The following DIAPH2 variants were observed in gnomAD, a reference collection of about 807,000 sequenced individuals.
The protein encoded by DIAPH2 is diaphanous related formin 2, also known as protein diaphanous homolog 2.
Under a neutral mutation model 92.7 loss-of-function variants are expected in DIAPH2, and 35 were observed. The ratio of observed to expected loss-of-function variants is 0.38; its 90% CI spans 0.29 to 0.50. DIAPH2 has a LOEUF of 0.50. DIAPH2 is among the 20% of genes least tolerant of loss of function. DIAPH2 has a pLI of 0.94. For synonymous variants in DIAPH2, 301 were observed against 280.4 expected, an observed-to-expected ratio of 1.07 and a Z score of -0.73; for missense variants, 701 against 819.5, an observed-to-expected ratio of 0.86 and a Z score of 1.77.
At chrX:96,975,407 T>G (rs938580017) in intron 17 of DIAPH2, among the ~76,000 whole-genome samples, 3 of 111,951 alleles carry the variant, frequency 2.7e-5, no homozygotes, top group Non-Finnish European at 3.8e-5. Flanking sequence ...TAATGAGATG[T>G]CAGTCTCAGA....
intron 10 of DIAPH2, among the ~76,000 whole-genome samples, chrX:96,933,206 G>C (rs1411968990): frequency 9.0e-6 from 1 of 110,707 alleles, no homozygotes; most frequent in Non-Finnish European, 1.9e-5. Context: ...TTGAGGATAG[G>C]GCAGACATAT....
intron 26 of DIAPH2, among the ~76,000 whole-genome samples, chrX:97,479,145 A>G (rs144926672): frequency 0.045 from 4,963 of 110,913 alleles, 272 homozygotes; most frequent in African/African-American, 0.16. Flanking sequence ...TGAACTGTGC[A>G]TCACAGTTCT....
intron 7 of DIAPH2, 22 bp from the exon 8 acceptor site, chrX:96,916,416 G>C (rs1419253896): frequency 1.2e-6 from 1 of 858,423 alleles, no homozygotes; most frequent in African/African-American, 2.7e-5. Flanking sequence ...TCTGAATGAA[G>C]GTTTTTTTTT....
chrX:97,024,326 C>T (rs778700213), intron 17 of DIAPH2, among the ~76,000 whole-genome samples: 4 of 111,798 alleles, frequency 3.6e-5, no homozygotes, highest in Non-Finnish European at 7.5e-5. Context: ...CTGTGAGATC[C>T]CTGGTGTCTC....
chrX:97,365,784 C>T (rs892539483), intron 24 of DIAPH2, among the ~76,000 whole-genome samples: 3 of 107,513 alleles, frequency 2.8e-5, no homozygotes, highest in African/African-American at 1.0e-4. Flanking sequence ...CGGCTCACTG[C>T]AATCTCCACC....
chrX:96,825,395 G>T (rs2064809216), intron 4 of DIAPH2, among the ~76,000 whole-genome samples: 2 of 101,903 alleles, frequency 2.0e-5, no homozygotes, highest in South Asian at 4.6e-4. Flanking sequence ...TAAAGAATAT[G>T]GTTAGTTATA....
At chrX:97,545,900 C>T (rs5967326) in intron 26 of DIAPH2, among the ~76,000 whole-genome samples, 44,608 of 108,388 alleles carry the variant, frequency 0.41, 7,177 homozygotes, top group Non-Finnish European at 0.5. Flanking sequence ...AGAAGCTGTT[C>T]TTTACTTTTT....
chrX:97,523,585 A>G (rs2071005192), intron 26 of DIAPH2, among the ~76,000 whole-genome samples: 1 of 111,802 alleles, frequency 8.9e-6, no homozygotes, highest in Admixed American at 9.5e-5. Context: ...CTGTGTGATA[A>G]CATAATCCCT....
At chrX:96,693,892 G>C (rs1002540749) in intron 1 of DIAPH2, among the ~76,000 whole-genome samples, 1 of 111,757 alleles carries the variant, frequency 8.9e-6, no homozygotes, top group Non-Finnish European at 1.9e-5. Context: ...AAAATTAGCT[G>C]TGCATGATGG....
chrX:97,516,850 C>T (rs2070952814), intron 26 of DIAPH2, among the ~76,000 whole-genome samples: 2 of 112,291 alleles, frequency 1.8e-5, no homozygotes, highest in African/African-American at 6.5e-5. Context: ...GTAGCTGGGA[C>T]TACAGGCATG....
intron 17 of DIAPH2, among the ~76,000 whole-genome samples, chrX:96,966,341 A>T (rs2065893867): frequency 8.9e-6 from 1 of 112,094 alleles, no homozygotes; most frequent in Admixed American, 9.5e-5. Flanking sequence ...TCACTGTTTA[A>T]CGTTAAAAAA....
chrX:97,417,862 G>C (rs2069965389), intron 25 of DIAPH2, among the ~76,000 whole-genome samples: 1 of 108,809 alleles, frequency 9.2e-6, no homozygotes, highest in Admixed American at 9.9e-5. Context: ...ACATACCTAT[G>C]ATAAAGTTTA....
At chrX:97,231,393 A>G (rs2068008789) in intron 22 of DIAPH2, among the ~76,000 whole-genome samples, 1 of 110,578 alleles carries the variant, frequency 9.0e-6, no homozygotes, top group Non-Finnish European at 1.9e-5. Flanking sequence ...GTACTGTTTT[A>G]TTATTTTACC....
intron 24 of DIAPH2, among the ~76,000 whole-genome samples, chrX:97,375,079 A>C (rs551958876): frequency 2.2e-3 from 246 of 112,174 alleles, no homozygotes; most frequent in African/African-American, 7.7e-3. Flanking sequence ...CCAAGCTACA[A>C]ATCAGGTAGA....
At chrX:97,334,999 A>AAAAAAAAAAC (rs1491564403) in intron 23 of DIAPH2, among the ~76,000 whole-genome samples, 3 of 13,849 alleles carry the variant, frequency 2.2e-4, no homozygotes, top group Non-Finnish European at 7.1e-4. Context: ...AAAACAAAAC[A>AAAAAAAAAAC]AAAAAAAAAA....
At chrX:97,452,790 G>GT (rs1032493289) in intron 26 of DIAPH2, among the ~76,000 whole-genome samples, 1 of 112,181 alleles carries the variant, frequency 8.9e-6, no homozygotes, top group Non-Finnish European at 1.9e-5. Flanking sequence ...GGCTAAGATT[G>GT]TTTATGTCCC....
intron 23 of DIAPH2, among the ~76,000 whole-genome samples, chrX:97,306,617 G>A (rs2068749406): frequency 9.0e-6 from 1 of 111,025 alleles, no homozygotes; most frequent in Admixed American, 9.6e-5. Context: ...CCATTTCCTT[G>A]CAATCCGTTT....
At chrX:97,351,492 CTG>C (rs771832514) in intron 24 of DIAPH2, among the ~76,000 whole-genome samples, 5 of 112,132 alleles carry the variant, frequency 4.5e-5, no homozygotes, top group Non-Finnish European at 7.5e-5. Flanking sequence ...CTAACTCTGC[CTG>C]TGTTGGCCAG....
At chrX:97,154,195 C>A (rs1003840154) in intron 22 of DIAPH2, among the ~76,000 whole-genome samples, 1 of 110,777 alleles carries the variant, frequency 9.0e-6, no homozygotes, top group African/African-American at 3.3e-5. Context: ...GGGCTAAGTG[C>A]CAGGAATTAT....
Sources: allele counts gnomAD v4.1 joint callset (sites outside exome capture counted in the v4.1 genomes callset), GRCh38; gene constraint gnomAD v4.1.1; transcripts MANE v1.5; gene names NCBI Gene and HGNC (gene_info 2026-07-23, HGNC 2026-07-21).